The following LRP1B variants were observed in gnomAD, a reference collection of about 807,000 sequenced individuals.
The protein encoded by LRP1B is low-density lipoprotein receptor-related protein 1B.
LRP1B carries 217 observed loss-of-function variants against 556.6 expected under a neutral mutation model. The observed-to-expected ratio is 0.39, with a 90% confidence interval of 0.35 to 0.44. The LOEUF is 0.44. LRP1B is among the 20% of genes least tolerant of loss of function. The probability of loss-of-function intolerance (pLI) is 1.00; values close to 1 mark genes in which losing one functional copy is unlikely to be tolerated. For synonymous variants in LRP1B, 2,047 were observed against 1,865.8 expected (o/e 1.10, Z -2.50); for missense variants, 5,053 against 5,620.8 (o/e 0.90, Z 3.23).
intron 2 of LRP1B, among the ~76,000 whole-genome samples, chr2:141,625,152 T>C (rs1688661014): frequency 6.6e-6 from 1 of 152,222 alleles, no homozygotes; most frequent in Non-Finnish European, 1.5e-5. Flanking sequence ...GTAATTGGAA[T>C]TAATATGTTG....
At chr2:141,689,653 CTCTTT>C (rs1396139663) in intron 2 of LRP1B, among the ~76,000 whole-genome samples, 1 of 151,700 alleles carries the variant, frequency 6.6e-6, no homozygotes, top group Non-Finnish European at 1.5e-5. Flanking sequence ...TCATTTTCTT[CTCTTT>C]TATCAATGAC....
chr2:141,186,072 C>G (rs921553846), intron 7 of LRP1B, among the ~76,000 whole-genome samples: 1 of 65,570 alleles, frequency 1.5e-5, no homozygotes, highest in African/African-American at 5.6e-5. Flanking sequence ...GAACGAGACT[C>G]TGTCTCAAAA....
chr2:141,380,897 G>A (rs1268732011), intron 3 of LRP1B, among the ~76,000 whole-genome samples: 5 of 152,020 alleles, frequency 3.3e-5, no homozygotes, highest in Admixed American at 6.6e-5. Context: ...AAGGTGGGAG[G>A]CATCTAGAAT....
chr2:140,719,620 A>C (rs774914417), intron 35 of LRP1B, among the ~76,000 whole-genome samples: 3 of 152,074 alleles, frequency 2.0e-5, no homozygotes, highest in Non-Finnish European at 4.4e-5. Context: ...TAAGGACTGC[A>C]TCTCACCCAA....
In LRP1B at chr2:141,194,010, A is replaced by G. The variant is rs1397614890; in HGVS notation, c.851-5427T>C. ...TTTTTCTCCAATAGAGATGCAAATG[A>G]TTTCCATCAGGTAGAAAAGATAACT... is the stretch of plus-strand genomic sequence containing the variant. On this transcript the variant is annotated intron_variant, in intron 6 of 90. Coordinates refer to ENST00000389484, the MANE Select transcript of LRP1B (RefSeq NM_018557.3). 3.3e-5 allele frequency among the ~76,000 whole-genome samples: 5 copies of G among 152,206 alleles called. No homozygotes were observed. In the East Asian group the frequency reaches 9.7e-4, roughly 30 times the overall value.
intron 31 of LRP1B, among the ~76,000 whole-genome samples, chr2:140,833,888 A>T (rs1691805954): frequency 6.6e-6 from 1 of 152,320 alleles, no homozygotes; most frequent in Non-Finnish European, 1.5e-5. Context: ...ATGAGAATCA[A>T]AACCATAAGC....
At chr2:140,372,423 C>T (rs961907848) in intron 69 of LRP1B, among the ~76,000 whole-genome samples, 8 of 152,006 alleles carry the variant, frequency 5.3e-5, no homozygotes, top group Non-Finnish European at 1.2e-4. Flanking sequence ...AGTTTTCCAC[C>T]AGTAATATTT....
intron 12 of LRP1B, among the ~76,000 whole-genome samples, chr2:141,018,922 C>T (rs1046129384): frequency 3.9e-5 from 6 of 151,942 alleles, no homozygotes; most frequent in African/African-American, 1.4e-4. Flanking sequence ...TTGGTAATCT[C>T]GGTTTATAAG....
At chr2:140,394,640 C>T (rs913157637) in intron 66 of LRP1B, among the ~76,000 whole-genome samples, 4 of 151,936 alleles carry the variant, frequency 2.6e-5, no homozygotes, top group Admixed American at 2.0e-4. Flanking sequence ...CTTAGTCACA[C>T]GACAACACAA....
chr2:141,776,422 C>T (rs1695074308), intron 2 of LRP1B, among the ~76,000 whole-genome samples: 1 of 152,204 alleles, frequency 6.6e-6, no homozygotes, highest in Non-Finnish European at 1.5e-5. Flanking sequence ...ATCATAGATG[C>T]TTCACATCAC....
chr2:141,073,881 C>T (rs1699712129), intron 7 of LRP1B, among the ~76,000 whole-genome samples: 1 of 152,026 alleles, frequency 6.6e-6, no homozygotes, highest in Admixed American at 6.6e-5. Flanking sequence ...GCTCCTCTTT[C>T]CTAAACCAAG....
chr2:141,024,097 T>G (rs532555189), intron 11 of LRP1B, among the ~76,000 whole-genome samples: 1 of 152,156 alleles, frequency 6.6e-6, no homozygotes, highest in South Asian at 2.1e-4. Context: ...CAATATGGTC[T>G]GAGGCCATAA....
At chr2:141,958,240 A>G (rs775273172) in intron 1 of LRP1B, among the ~76,000 whole-genome samples, 10 of 152,038 alleles carry the variant, frequency 6.6e-5, no homozygotes, top group African/African-American at 9.7e-5. Context: ...TTCAGAAGAC[A>G]GTCCTGGTGC....
At chr2:141,960,674 A>G (rs1404520985) in intron 1 of LRP1B, among the ~76,000 whole-genome samples, 2 of 151,908 alleles carry the variant, frequency 1.3e-5, no homozygotes, top group East Asian at 1.9e-4. Flanking sequence ...TTTGATAGAC[A>G]TAATACAGTT....
intron 32 of LRP1B, among the ~76,000 whole-genome samples, chr2:140,803,877 C>T (rs1384444118): frequency 8.6e-6 from 1 of 116,886 alleles, no homozygotes; most frequent in African/African-American, 3.3e-5. Flanking sequence ...ACCCCCCCAA[C>T]CCCCCCAAAA....
chr2:141,247,351 T>C lies in LRP1B; in HGVS notation c.467A>G (p.Gln156Arg), dbSNP rs761289794. The part of the protein sequence containing the change: ...ITEDGRSCKD[Q>R]DECAVYGTCS... Reference sequence around the variant, plus strand: ...TGTACCATAAACAGCACATTCATCTTGATCTAAAAAGGAAAATTGGCATCA... The same window carrying C: ...TGTACCATAAACAGCACATTCATCTCGATCTAAAAAGGAAAATTGGCATCA... Residue 156 changes from glutamine (Q) to arginine (R), a missense_variant, in exon 5 of 91, where the codon CAA (glutamine) becomes CGA (arginine). Gln to Arg is a conservative substitution (Grantham distance 43, BLOSUM62 1). Transcript: ENST00000389484. The C allele has an allele frequency of 4.5e-5, 72 of 1,613,222 alleles. No individual in the cohort carries two copies. Among genetic ancestry groups the C allele is most frequent in the Non-Finnish European group, 5.9e-5 (70 of 1,179,514 alleles).
chr2:141,293,345 C>T (rs1466471068), intron 3 of LRP1B, among the ~76,000 whole-genome samples: 1 of 152,182 alleles, frequency 6.6e-6, no homozygotes, highest in African/African-American at 2.4e-5. Flanking sequence ...TTTTCCTGGT[C>T]CTACCACTCA....
intron 23 of LRP1B, among the ~76,000 whole-genome samples, chr2:140,888,594 T>C (rs1374663541): frequency 3.3e-5 from 5 of 151,796 alleles, no homozygotes; most frequent in African/African-American, 4.8e-5. Flanking sequence ...GAGTAAGATA[T>C]GCATTTTAAT....
chr2:140,912,106 T>C (rs1464705274), intron 21 of LRP1B, among the ~76,000 whole-genome samples: 3 of 151,770 alleles, frequency 2.0e-5, no homozygotes, highest in African/African-American at 7.2e-5. Context: ...TGTTTGAAGC[T>C]TAATTGCTTC....
Sources: allele counts gnomAD v4.1 joint callset (sites outside exome capture counted in the v4.1 genomes callset), GRCh38; gene constraint gnomAD v4.1.1; transcripts MANE v1.5; gene names NCBI Gene and HGNC (gene_info 2026-07-23, HGNC 2026-07-21).